DOCK4: variants seen among roughly 807,000 people sequenced by gnomAD.
DOCK4 encodes the protein dedicator of cytokinesis protein 4.
In DOCK4, 97 loss-of-function variants were observed where a neutral mutation model predicts 268.1. That is an observed-to-expected ratio of 0.36 (90% CI 0.31 to 0.43). The LOEUF is 0.43. DOCK4 is among the 20% of genes least tolerant of loss of function. The pLI is 1.00. For missense variants in DOCK4, 2,145 were observed against 2,455.7 expected, an observed-to-expected ratio of 0.87 and a Z score of 2.67; for synonymous variants, 954 against 887.2, an observed-to-expected ratio of 1.08 and a Z score of -1.34.
chr7:111,959,582 A>C (rs1259145814), intron 8 of DOCK4, among the ~76,000 whole-genome samples: 2 of 152,250 alleles, frequency 1.3e-5, no homozygotes, highest in Non-Finnish European at 2.9e-5. Context: ...ACTAGCATAC[A>C]TACACAAAAA....
At chr7:112,004,450 G>GT (rs1800690600) in intron 1 of DOCK4, among the ~76,000 whole-genome samples, 1 of 152,120 alleles carries the variant, frequency 6.6e-6, no homozygotes, top group Admixed American at 6.5e-5. Flanking sequence ...TGACCCTTTT[G>GT]TTTCACTGCT....
At chr7:112,044,820 C>T (rs1260039061) in intron 1 of DOCK4, among the ~76,000 whole-genome samples, 1 of 152,096 alleles carries the variant, frequency 6.6e-6, no homozygotes. Flanking sequence ...GTTGAACCAT[C>T]TCACACCACC....
intron 15 of DOCK4, 135 bp downstream of exon 15, chr7:111,900,238 TA>T: frequency 8.7e-7 from 1 of 1,146,002 alleles, no homozygotes; most frequent in Non-Finnish European, 1.2e-6. Flanking sequence ...CCTTTCTGGC[TA>T]ATCTTTCTAG....
At position 111,994,145 on chromosome 7, in the gene DOCK4, T is replaced by A; in HGVS notation, c.305A>T (p.Gln102Leu). ...AAAAAGCTACTTAACCACATAGAGT[T>A]GTTTCCACATGGTTCCCCAGTCTCT... ...TLRDWGTMWK[Q>L]LYVRNEGDLF... The change falls in exon 5 of 53, where the codon CAA becomes CTA. Residue 102 changes from glutamine to leucine, a missense_variant. By Grantham distance (113) the Gln-to-Leu change is moderately radical (BLOSUM62 -2). Around this residue, in one of 2 missense-constraint regions of DOCK4, gnomAD observed 1,598 missense variants for 1,986.7 expected, o/e 0.80. Transcript: ENST00000428084. The A allele has an allele frequency of 6.2e-7, 1 of 1,601,770 alleles. No individual in the cohort carries two copies. The highest frequency in any genetic ancestry group is 8.5e-7 in the Non-Finnish European group (1 of 1,172,556).
chr7:111,980,596 G>A lies in DOCK4; in HGVS notation c.550-3313C>T, dbSNP rs145453404. On this transcript the variant is annotated intron_variant, in intron 7 of 52. Coordinates refer to ENST00000428084, the MANE Select transcript of DOCK4 (RefSeq NM_001363540.2). The stretch of plus-strand genomic sequence containing the variant: ...CAACCTCAATGCTATTGACAACTAG[G>A]CTGAATATTTCCTTGTTGTGGGGGC... 2.6e-5 allele frequency among the ~76,000 whole-genome samples: 4 copies of A among 152,274 alleles called. No homozygotes were observed. The East Asian group carries it at 7.7e-4, about 29-fold the overall frequency.
rs1798957909 is a variant in DOCK4 at position 111,783,760 on chromosome 7, T to C, written c.3524+97A>G. 3 of 1,068,924 alleles carry C rather than the reference T, an allele frequency of 2.8e-6. No individual in the cohort carries two copies. The South Asian group carries it at 4.3e-5, about 15-fold the overall frequency. The allele number at this position is 1,068,924 out of a possible 1,614,324, so 66.2% of individuals were successfully genotyped here. The stretch of plus-strand genomic sequence containing the variant: ...TTCCATGGTCTGATAATCAATTGAG[T>C]GATTCACAAGAGTGGAACGTTGATT... On this transcript the variant is annotated intron_variant, in intron 34 of 52. Transcript: ENST00000428084.
chr7:111,871,347 AC>A (rs1340388006), intron 20 of DOCK4, among the ~76,000 whole-genome samples: 1 of 152,234 alleles, frequency 6.6e-6, no homozygotes, highest in African/African-American at 2.4e-5. Context: ...GCAATTATCA[AC>A]TATGTTGAGA....
intron 13 of DOCK4, among the ~76,000 whole-genome samples, chr7:111,910,585 A>C (rs1194473011): frequency 6.6e-6 from 1 of 152,240 alleles, no homozygotes; most frequent in East Asian, 1.9e-4. Flanking sequence ...TATATGGTTA[A>C]AACTAATTTC....
intron 1 of DOCK4, among the ~76,000 whole-genome samples, chr7:112,136,431 C>T (rs368930188): frequency 6.6e-6 from 1 of 152,112 alleles, no homozygotes; most frequent in Admixed American, 6.6e-5. Flanking sequence ...TACCTTAATC[C>T]AGACAATTAC....
At chr7:112,135,171 T>C (rs1251085053) in intron 1 of DOCK4, among the ~76,000 whole-genome samples, 2 of 152,192 alleles carry the variant, frequency 1.3e-5, no homozygotes, top group East Asian at 3.8e-4. Context: ...AATTCTTTTA[T>C]ATTACTAAAT....
chr7:112,037,914 A>G lies in DOCK4; in HGVS notation c.38-33783T>C, dbSNP rs150218083. Among the ~76,000 whole-genome samples, 263 of 152,312 alleles carry G rather than the reference A, an allele frequency of 1.7e-3. 1 individual carries two copies. The highest frequency in any genetic ancestry group is 6.2e-3 in the African/African-American group (256 of 41,580). On this transcript the variant is annotated intron_variant, in intron 1 of 52. Coordinates refer to ENST00000428084, the MANE Select transcript of DOCK4 (RefSeq NM_001363540.2). ...CTCATATAAACCTTATAGTTTTAGT[A>G]GTTTTAATTTCAGCCATTCTAATGG...
chr7:112,169,175 A>T (rs1294017164), intron 1 of DOCK4, among the ~76,000 whole-genome samples: 1 of 152,128 alleles, frequency 6.6e-6, no homozygotes, highest in Non-Finnish European at 1.5e-5. Context: ...GCCACGTAAG[A>T]CATGTCTGCT....
At chr7:111,835,358 G>C (rs1419984382) in intron 25 of DOCK4, among the ~76,000 whole-genome samples, 6 of 152,096 alleles carry the variant, frequency 3.9e-5, no homozygotes, top group African/African-American at 1.4e-4. Flanking sequence ...CAGATGTCTT[G>C]GAAGATTGAA....
intron 1 of DOCK4, among the ~76,000 whole-genome samples, chr7:112,066,679 A>G (rs1586752188): frequency 1.1e-4 from 2 of 18,976 alleles, no homozygotes; most frequent in African/African-American, 6.2e-4. Flanking sequence ...ACATATACAT[A>G]TATACATATA....
intron 30 of DOCK4, among the ~76,000 whole-genome samples, chr7:111,792,136 A>G (rs1261085833): frequency 6.6e-6 from 1 of 152,234 alleles, no homozygotes; most frequent in East Asian, 1.9e-4. Flanking sequence ...TACGCTAATC[A>G]TCTTTGTTAA....
chr7:111,746,462 G>T (rs1284328681), intron 43 of DOCK4, 45 bp from the exon 44 acceptor site: 12 of 1,459,032 alleles, frequency 8.2e-6, no homozygotes, highest in African/African-American at 1.4e-5. Flanking sequence ...GGAGTACAAG[G>T]CAAGTCAAAG....
chr7:111,791,739 C>T lies in DOCK4; in HGVS notation c.3167-1134G>A, dbSNP rs549860459. Among the ~76,000 whole-genome samples the T allele has an allele frequency of 7.9e-5, 12 of 152,134 alleles. No homozygotes were observed. In the South Asian group the frequency reaches 1.7e-3, roughly 21 times the overall value. On this transcript the variant is annotated intron_variant, in intron 30 of 52. Transcript: ENST00000428084. Reference sequence around the variant, plus strand: ...CTAGGATTACAGGCATGAGCTATCGCGCCCAGCCTGTTTTTTAAAAAATAG... The same window carrying T: ...CTAGGATTACAGGCATGAGCTATCGTGCCCAGCCTGTTTTTTAAAAAATAG...
intron 44 of DOCK4, among the ~76,000 whole-genome samples, chr7:111,744,323 C>T (rs934884467): frequency 6.6e-6 from 1 of 152,168 alleles, no homozygotes; most frequent in Non-Finnish European, 1.5e-5. Context: ...ATGTCTCTGT[C>T]CTCTAGAGAG....
intron 52 of DOCK4, 76 bp from the exon 53 acceptor site, chr7:111,728,796 C>G: frequency 7.1e-7 from 1 of 1,407,464 alleles, no homozygotes; most frequent in Non-Finnish European, 9.5e-7. Context: ...ATGTACGCCC[C>G]GACGCGGAGG....
Sources: gnomAD v4.1 joint callset for allele counts (sites outside exome capture counted in the v4.1 genomes callset) on GRCh38, gnomAD v4.1.1 for gene constraint, gnomAD v4.1.1 regional missense constraint, MANE v1.5 for transcripts, NCBI Gene and HGNC (gene_info 2026-07-23, HGNC 2026-07-21) for gene names.